ODAD2: variants seen among roughly 807,000 people sequenced by gnomAD.
ODAD2 encodes the protein outer dynein arm-docking complex subunit 2.
A neutral mutation model predicts 106.8 loss-of-function variants in ODAD2; 89 were observed. The ratio of observed to expected loss-of-function variants is 0.83; its 90% CI spans 0.70 to 0.99. The LOEUF (loss-of-function observed/expected upper bound fraction) is 0.99. Among genes scored for constraint, ODAD2 ranks in the 50% least tolerant of loss-of-function variants. The pLI, the probability that ODAD2 is intolerant of heterozygous loss-of-function variation, is 0.00. For missense variants in ODAD2, 1,168 were observed against 1,238.5 expected (o/e 0.94, Z 0.85); for synonymous variants, 404 against 436.2 (o/e 0.93, Z 0.92).
At chr10:27,868,832 A>G (rs1840646089) in intron 17 of ODAD2, among the ~76,000 whole-genome samples, 1 of 152,116 alleles carries the variant, frequency 6.6e-6, no homozygotes, top group African/African-American at 2.4e-5. Context: ...CTTGGAACTT[A>G]GAATAAAATA....
In ODAD2 at chr10:27,835,745, C is replaced by T. The variant is rs142294597; in HGVS notation, c.3022-23120G>A. The stretch of plus-strand genomic sequence containing the variant: ...GGAAGAAACAGCCTGTCCAACATGG[C>T]GAAACACTGTCTGTACTAAAAATAC... On this transcript the variant is annotated intron_variant, in intron 19 of 19. Coordinates refer to ENST00000305242, the MANE Select transcript of ODAD2 (RefSeq NM_018076.5). Among the ~76,000 whole-genome samples, 929 of 151,934 alleles carry T rather than the reference C, an allele frequency of 6.1e-3. 14 individuals are homozygous for T. Among genetic ancestry groups the T allele is most frequent in the African/African-American group, 0.021 (868 of 41,428 alleles).
chr10:27,882,233 G>GAAAGAAAGAAAGAAAT lies in ODAD2; in HGVS notation c.2611-19612_2611-19611insATTTCTTTCTTTCTTT, dbSNP rs1451039386. On this transcript the variant is annotated intron_variant, in intron 17 of 19. Transcript: ENST00000305242. ...AGAAAGAAAGAAAGAAAGAAAGAAA[G>GAAAGAAAGAAAGAAAT]AAATATGAACTCTCTGATCTCATTC... is the stretch of plus-strand genomic sequence containing the variant. Among the ~76,000 whole-genome samples the GAAAGAAAGAAAGAAAT allele has an allele frequency of 1.4e-4, 21 of 145,348 alleles. No individual in the cohort carries two copies. The South Asian group carries it at 2.9e-3, about 20-fold the overall frequency.
At chr10:27,934,050 T>G (rs1268295415) in intron 16 of ODAD2, among the ~76,000 whole-genome samples, 1 of 152,112 alleles carries the variant, frequency 6.6e-6, no homozygotes, top group East Asian at 1.9e-4. Context: ...TGATAGTGAG[T>G]AAGTCTCATG....
chr10:27,834,109 C>G (rs944392132), intron 19 of ODAD2, among the ~76,000 whole-genome samples: 1 of 152,192 alleles, frequency 6.6e-6, no homozygotes, highest in Non-Finnish European at 1.5e-5. Context: ...CCAAAGGACA[C>G]AAAAGTAGCA....
chr10:27,977,348 A>T (rs1849254994), intron 7 of ODAD2, among the ~76,000 whole-genome samples: 1 of 151,692 alleles, frequency 6.6e-6, no homozygotes, highest in Non-Finnish European at 1.5e-5. Flanking sequence ...GCAGATCACA[A>T]GGTCAGGAGA....
chr10:27,983,563 G>C (rs957767019), intron 6 of ODAD2, among the ~76,000 whole-genome samples: 2 of 152,164 alleles, frequency 1.3e-5, no homozygotes, highest in Non-Finnish European at 2.9e-5. Flanking sequence ...GCTGTGTAAT[G>C]AATCAGTGAA....
chr10:27,992,079 G>A (rs1353627406), intron 2 of ODAD2, among the ~76,000 whole-genome samples: 2 of 152,282 alleles, frequency 1.3e-5, no homozygotes, highest in African/African-American at 2.4e-5. Context: ...CAAGGGGCAC[G>A]GTCAAGACCT....
rs1015448316 is a variant in ODAD2 at position 27,934,156 on chromosome 10, A to G, written c.2495+854T>C. ...TGTGACTTGCTCCTCCTTGCCTTCCACTATAATTATGAGGCCTCCCAGCCA... is the reference window on the plus strand; with the variant it reads ...TGTGACTTGCTCCTCCTTGCCTTCCGCTATAATTATGAGGCCTCCCAGCCA... On this transcript the variant is annotated intron_variant, in intron 16 of 19. Transcript: ENST00000305242. Among the ~76,000 whole-genome samples the G allele has an allele frequency of 8.5e-4, 129 of 152,096 alleles. 1 individual carries two copies. The highest frequency in any genetic ancestry group is 5.9e-5 in the Non-Finnish European group (4 of 68,006).
rs911096970 is a variant in ODAD2 at position 27,823,914 on chromosome 10, G to T, written c.3022-11289C>A. On this transcript the variant is annotated intron_variant, in intron 19 of 19. Coordinates refer to ENST00000305242, the MANE Select transcript of ODAD2 (RefSeq NM_018076.5). ...CCAGCACTTTGGGAGGCCGAGGCGG[G>T]CGGATCACGAGGTCAGGAGATCGAG... 3.0e-4 allele frequency among the ~76,000 whole-genome samples: 35 copies of T among 116,444 alleles called. 7 individuals are homozygous for T. Among genetic ancestry groups the T allele is most frequent in the African/African-American group, 1.5e-3 (32 of 20,704 alleles). The allele number at this position is 116,444 out of a possible 152,430, so 76.4% of individuals were successfully genotyped here. A position where few individuals can be genotyped will look rare whatever the true frequency, so the allele number is the denominator to read the frequency against.
At chr10:27,887,511 C>A (rs1236289378) in intron 17 of ODAD2, among the ~76,000 whole-genome samples, 2 of 151,992 alleles carry the variant, frequency 1.3e-5, no homozygotes, top group Non-Finnish European at 2.9e-5. Context: ...CCCCACCTAA[C>A]AACAGCAGAA....
chr10:27,965,687 C>G (rs1263690367), intron 9 of ODAD2, among the ~76,000 whole-genome samples: 1 of 152,100 alleles, frequency 6.6e-6, no homozygotes, highest in African/African-American at 2.4e-5. Flanking sequence ...CCCAGTAATC[C>G]ATAAAAGGGT....
intron 16 of ODAD2, among the ~76,000 whole-genome samples, chr10:27,916,361 G>T (rs1001050087): frequency 2.6e-5 from 4 of 152,136 alleles, no homozygotes; most frequent in Admixed American, 6.6e-5. Context: ...ATCTGCAAAG[G>T]GGAGGAGATG....
At chr10:27,867,243 T>C (rs527347361) in intron 17 of ODAD2, among the ~76,000 whole-genome samples, 59 of 152,188 alleles carry the variant, frequency 3.9e-4, no homozygotes, top group Admixed American at 3.5e-3. Flanking sequence ...CAAAGGGCCA[T>C]GAAGTTCTCA....
chr10:27,955,724 TG>T (rs1218015465), intron 10 of ODAD2, among the ~76,000 whole-genome samples: 2 of 151,654 alleles, frequency 1.3e-5, no homozygotes, highest in Non-Finnish European at 2.9e-5. Flanking sequence ...TGTGTGTGTG[TG>T]TGTGTGTGTG....
At chr10:27,852,867 A>T (rs1388831452) in intron 19 of ODAD2, among the ~76,000 whole-genome samples, 2 of 150,848 alleles carry the variant, frequency 1.3e-5, no homozygotes, top group East Asian at 2.0e-4. Flanking sequence ...AGGCTGAGGC[A>T]GGAGAATCGC....
rs1468048392 is a variant in ODAD2 at position 27,994,985 on chromosome 10, A to G, written c.158T>C (p.Phe53Ser). 1.2e-6 allele frequency: 2 copies of G among 1,614,264 alleles called. No individual in the cohort carries two copies. The highest frequency in any genetic ancestry group is 3.3e-5 in the Admixed American group (2 of 60,024). Residue 53 changes from phenylalanine to serine, a missense_variant, in exon 2 of 20, where the codon TTT (phenylalanine) becomes TCT (serine). This residue lies in a region of ODAD2 where 430 missense variants were observed against 452.2 expected (regional missense o/e 0.95). Transcript: ENST00000305242. The stretch of plus-strand genomic sequence containing the variant: ...TGTGTTCCATTCAAGTGGTTCCACA[A>G]AAACAAATTTTGCCTCTTGAGGATG... ...YKHPQEAKFV[F>S]VEPLEWNTSL... is the part of the protein sequence containing the mutation.
At chr10:27,981,361 A>C in intron 7 of ODAD2, 105 bp downstream of exon 7, 1 of 1,117,526 alleles carries the variant, frequency 8.9e-7, no homozygotes, top group Non-Finnish European at 1.2e-6. Flanking sequence ...ACTAATAATA[A>C]AAAGTGCCCA....
At chr10:27,976,194 C>T (rs1424182391) in intron 7 of ODAD2, among the ~76,000 whole-genome samples, 1 of 151,254 alleles carries the variant, frequency 6.6e-6, no homozygotes, top group Non-Finnish European at 1.5e-5. Context: ...ATATCAGGAA[C>T]AAGAGACCAT....
chr10:27,854,837 A>T (rs1398887521), intron 19 of ODAD2, among the ~76,000 whole-genome samples: 1 of 152,192 alleles, frequency 6.6e-6, no homozygotes, highest in African/African-American at 2.4e-5. Context: ...CTCAGAGATA[A>T]AAGAGTTGAT....
Sources: gnomAD v4.1 joint callset for allele counts (sites outside exome capture counted in the v4.1 genomes callset) on GRCh38, gnomAD v4.1.1 for gene constraint, gnomAD v4.1.1 regional missense constraint, MANE v1.5 for transcripts, NCBI Gene and HGNC (gene_info 2026-07-23, HGNC 2026-07-21) for gene names.